USP32: variants seen among roughly 807,000 people sequenced by gnomAD.
The protein encoded by USP32 is ubiquitin carboxyl-terminal hydrolase 32.
USP32 carries 59 observed loss-of-function variants against 204.8 expected under a neutral mutation model. The observed-to-expected ratio is 0.29, with a 90% CI of 0.23 to 0.36. The LOEUF (loss-of-function observed/expected upper bound fraction) is 0.36. Among genes scored for constraint, USP32 ranks in the 10% least tolerant of loss-of-function variants. USP32 has a pLI of 1.00. For missense variants in USP32, 1,160 were observed against 1,946.4 expected, an observed-to-expected ratio of 0.60 and a Z score of 7.60; for synonymous variants, 517 against 678.4, an observed-to-expected ratio of 0.76 and a Z score of 3.70.
intron 7 of USP32, among the ~76,000 whole-genome samples, chr17:60,267,527 T>C (rs1044883296): frequency 7.0e-6 from 1 of 143,082 alleles, no homozygotes; most frequent in African/African-American, 2.9e-5. Flanking sequence ...ATTTTAACTC[T>C]TTTTTTTTTC....
chr17:60,396,069 C>CTTTTTTTTTTTT (rs936063243), upstream of USP32, among the ~76,000 whole-genome samples: 1 of 74,920 alleles, frequency 1.3e-5, no homozygotes, highest in African/African-American at 7.7e-5. Flanking sequence ...GCACTTGAAG[C>CTTTTTTTTTTTT]TTTTTTTTTT....
chr17:60,397,970 C>G (rs771008665), intron 1 of USP32, among the ~76,000 whole-genome samples: 5 of 152,044 alleles, frequency 3.3e-5, no homozygotes, highest in African/African-American at 9.7e-5. Context: ...TAAGATAAAA[C>G]TTTTTCACAT....
At chr17:60,312,429 G>A (rs936535256) in intron 2 of USP32, among the ~76,000 whole-genome samples, 2 of 151,894 alleles carry the variant, frequency 1.3e-5, no homozygotes, top group Admixed American at 6.6e-5. Context: ...TGTTGTTGTC[G>A]TTGTCGTTGT....
In USP32 at chr17:60,410,281, G is replaced by T. The variant is rs114151449; in HGVS notation, c.106+11965C>A. On this transcript the variant is annotated intron_variant, in intron 1 of 3. Coordinates refer to the USP32 transcript ENST00000588898. Reference sequence around the variant, plus strand: ...TCCACCCAGAAACTGACTCAGTGCAGGAAGACAGCTTTGACCCCCTATGAT... The same window carrying T: ...TCCACCCAGAAACTGACTCAGTGCATGAAGACAGCTTTGACCCCCTATGAT... Among the ~76,000 whole-genome samples the T allele has an allele frequency of 2.5e-3, 377 of 152,210 alleles. 2 individuals are homozygous for T. The highest frequency in any genetic ancestry group is 8.5e-3 in the African/African-American group (353 of 41,544).
At chr17:60,360,498 A>C (rs1009528071) in intron 1 of USP32, among the ~76,000 whole-genome samples, 17 of 151,648 alleles carry the variant, frequency 1.1e-4, no homozygotes, top group Non-Finnish European at 1.9e-4. Context: ...GTATCTACTA[A>C]AAATACAAAA....
chr17:60,231,549 C>T (rs765685956), intron 12 of USP32: 2 of 516,970 alleles, frequency 3.9e-6, no homozygotes, highest in African/African-American at 1.9e-5. Context: ...GGCTGCCCCA[C>T]TCGTGGCAGT....
chr17:60,276,312 G>A (rs1311262830), intron 5 of USP32, among the ~76,000 whole-genome samples: 1 of 152,042 alleles, frequency 6.6e-6, no homozygotes, highest in Non-Finnish European at 1.5e-5. Flanking sequence ...CCAGATAACT[G>A]AATTTATTTA....
At chr17:60,391,079 C>A (rs915581394) in intron 1 of USP32, among the ~76,000 whole-genome samples, 1 of 152,218 alleles carries the variant, frequency 6.6e-6, no homozygotes, top group Admixed American at 6.5e-5. Context: ...CAGGCCGGGA[C>A]TGGCAGCCAG....
intron 11 of USP32, among the ~76,000 whole-genome samples, chr17:60,238,334 GT>G (rs1430398004): frequency 1.3e-5 from 2 of 151,876 alleles, no homozygotes; most frequent in Admixed American, 6.6e-5. Context: ...CATTCTATAG[GT>G]TTTTTTGGTT....
At chr17:60,368,208 G>A (rs1257904735) in intron 1 of USP32, among the ~76,000 whole-genome samples, 1 of 152,140 alleles carries the variant, frequency 6.6e-6, no homozygotes, top group East Asian at 1.9e-4. Flanking sequence ...CCCGCAGAAA[G>A]AGAAATACAG....
intron 12 of USP32, among the ~76,000 whole-genome samples, chr17:60,235,480 A>G (rs2085698440): frequency 1.3e-5 from 2 of 152,230 alleles, no homozygotes; most frequent in African/African-American, 4.8e-5. Flanking sequence ...GTATGTAACT[A>G]CCAATATTCT....
intron 10 of USP32, among the ~76,000 whole-genome samples, chr17:60,253,733 C>G (rs1465885541): frequency 6.6e-6 from 1 of 152,048 alleles, no homozygotes. Flanking sequence ...AACCACTGCA[C>G]TCCAGCCTGG....
intron 6 of USP32, 41 bp from the exon 7 acceptor site, chr17:60,269,598 T>G: frequency 6.7e-7 from 1 of 1,491,704 alleles, no homozygotes; most frequent in Non-Finnish European, 9.1e-7. Context: ...CAGCCAAGCT[T>G]CCTAATGTTA....
intron 2 of USP32, among the ~76,000 whole-genome samples, chr17:60,325,614 A>T (rs2088214084): frequency 2.0e-5 from 3 of 151,944 alleles, no homozygotes; most frequent in Admixed American, 2.0e-4. Context: ...GCAAAAGATA[A>T]GTTTAAAATT....
intron 1 of USP32, among the ~76,000 whole-genome samples, chr17:60,383,230 C>T (rs2089676014): frequency 7.8e-6 from 1 of 128,852 alleles, no homozygotes; most frequent in South Asian, 2.3e-4. Flanking sequence ...CGACAGACAT[C>T]GTCCCAAAAA....
chr17:60,241,641 A>G (rs1236927301), intron 11 of USP32, among the ~76,000 whole-genome samples: 1 of 152,166 alleles, frequency 6.6e-6, no homozygotes, highest in East Asian at 1.9e-4. Flanking sequence ...TCTCTGAGGA[A>G]GCAGAACATC....
chr17:60,386,587 CATCACAATCCCA>C (rs1567890345), intron 1 of USP32, among the ~76,000 whole-genome samples: 1 of 152,140 alleles, frequency 6.6e-6, no homozygotes, highest in Non-Finnish European at 1.5e-5. Flanking sequence ...ATGGGTTGGG[CATCACAATCCCA>C]ACTCTAACTT....
chr17:60,213,872 T>C (rs1390543721), intron 17 of USP32, among the ~76,000 whole-genome samples: 5 of 152,122 alleles, frequency 3.3e-5, no homozygotes, highest in Non-Finnish European at 7.4e-5. Flanking sequence ...GCGTTATCTT[T>C]CTCTTTTTTA....
At chr17:60,311,939 T>G (rs1480305812) in intron 2 of USP32, among the ~76,000 whole-genome samples, 1 of 152,164 alleles carries the variant, frequency 6.6e-6, no homozygotes, top group East Asian at 1.9e-4. Flanking sequence ...CTAATGGATA[T>G]AAGGTAAAGG....
Sources: gnomAD v4.1 joint callset for allele counts (sites outside exome capture counted in the v4.1 genomes callset) on GRCh38, gnomAD v4.1.1 for gene constraint, MANE v1.5 for transcripts, NCBI Gene and HGNC (gene_info 2026-07-23, HGNC 2026-07-21) for gene names.